Variants in STK33 observed in about 807,000 individuals in gnomAD.
The protein encoded by STK33 is serine/threonine-protein kinase 33.
Under a neutral mutation model 58.0 loss-of-function variants are expected in STK33, and 52 were observed. That is an observed-to-expected ratio of 0.90 (90% CI 0.72 to 1.13). The LOEUF is 1.13. Among genes scored for constraint, STK33 ranks in the 50% most tolerant of loss-of-function variants. The pLI is 0.00. For synonymous variants in STK33, 215 were observed against 200.1 expected (o/e 1.07, Z -0.63); for missense variants, 630 against 604.2 (o/e 1.04, Z -0.45).
Position 8,553,897 on chromosome 11 carries a change from A to G in STK33, c.-466+40186T>C, listed in dbSNP as rs536628188. ...AAGCTCCATGACATTAGACTAGGCA[A>G]TGATTTTTTGGATATGACCCCAAAG... On this transcript the variant is annotated intron_variant, in intron 1 of 15. Transcript: ENST00000687296. Among the ~76,000 whole-genome samples, 6 of 152,328 alleles carry G rather than the reference A, an allele frequency of 3.9e-5. No homozygotes were observed. In the East Asian group the frequency reaches 9.6e-4, roughly 24 times the overall value.
At chr11:8,469,827 G>A (rs942207309) in intron 6 of STK33, among the ~76,000 whole-genome samples, 16 of 152,216 alleles carry the variant, frequency 1.1e-4, no homozygotes, top group African/African-American at 3.1e-4. Context: ...GTGACCAGGC[G>A]CATTGTCAAT....
At chr11:8,537,243 G>A (rs12577853) in intron 1 of STK33, among the ~76,000 whole-genome samples, 60,711 of 151,364 alleles carry the variant, frequency 0.4, 12,438 homozygotes, top group South Asian at 0.56. Flanking sequence ...GCCTCCCAAA[G>A]TGCTAGGATT....
At chr11:8,354,844 C>T in the STK33 span, among the ~76,000 whole-genome samples, 3 of 152,112 alleles carry the variant, frequency 2.0e-5, no homozygotes, top group African/African-American at 4.8e-5. Flanking sequence ...GCTGGCTGGG[C>T]GCCGGCCCCT....
intron 15 of STK33, among the ~76,000 whole-genome samples, chr11:8,397,084 T>C (rs1325200658): frequency 1.3e-5 from 2 of 152,178 alleles, no homozygotes; most frequent in African/African-American, 4.8e-5. Flanking sequence ...CAGACTTAAA[T>C]GTCCCTGTCT....
chr11:8,555,537 C>T (rs1264395444), intron 1 of STK33, among the ~76,000 whole-genome samples: 5 of 151,712 alleles, frequency 3.3e-5, no homozygotes, highest in Admixed American at 1.3e-4. Flanking sequence ...TGGTGGTGAG[C>T]GCCTGTAATC....
downstream of STK33, among the ~76,000 whole-genome samples, chr11:8,388,736 G>A (rs1313006383): frequency 6.6e-6 from 1 of 152,148 alleles, no homozygotes; most frequent in African/African-American, 2.4e-5. Context: ...CCTCCTCCCA[G>A]GTTCTGTTGG....
At chr11:8,445,552 T>C (rs1485692186) in intron 11 of STK33, among the ~76,000 whole-genome samples, 2 of 152,100 alleles carry the variant, frequency 1.3e-5, no homozygotes, top group African/African-American at 4.8e-5. Context: ...GAGATACGTT[T>C]CATCAATACC....
intron 1 of STK33, among the ~76,000 whole-genome samples, chr11:8,570,979 A>G (rs2141123290): frequency 6.6e-6 from 1 of 152,330 alleles, no homozygotes; most frequent in East Asian, 1.9e-4. Context: ...AAACTGCTAG[A>G]AAACTGGACA....
At chr11:8,431,656 T>C (rs1943442050) in intron 14 of STK33, among the ~76,000 whole-genome samples, 1 of 152,116 alleles carries the variant, frequency 6.6e-6, no homozygotes. Flanking sequence ...GACATTTGAG[T>C]GATTGATGTC....
chr11:8,364,504 A>AT, the STK33 span, among the ~76,000 whole-genome samples: 1 of 152,188 alleles, frequency 6.6e-6, no homozygotes, highest in Non-Finnish European at 1.5e-5. Context: ...ATTGATCATG[A>AT]TATGTATCTG....
At chr11:8,512,661 G>A (rs986158123) in intron 1 of STK33, among the ~76,000 whole-genome samples, 2 of 152,040 alleles carry the variant, frequency 1.3e-5, no homozygotes, top group South Asian at 4.1e-4. Flanking sequence ...AATACTAAAA[G>A]CCTAGTTCTT....
chr11:8,539,815 T>C (rs900075297), intron 1 of STK33, among the ~76,000 whole-genome samples: 4 of 152,154 alleles, frequency 2.6e-5, no homozygotes, highest in African/African-American at 9.7e-5. Context: ...CTCATAACTG[T>C]AGTACGTAAA....
intron 11 of STK33, among the ~76,000 whole-genome samples, chr11:8,441,888 C>A (rs1365535479): frequency 6.6e-6 from 1 of 152,010 alleles, no homozygotes; most frequent in African/African-American, 2.4e-5. Context: ...GCATTTGACT[C>A]CCTTTGCCAA....
intron 11 of STK33, among the ~76,000 whole-genome samples, chr11:8,444,158 T>C (rs893180151): frequency 6.6e-6 from 1 of 152,188 alleles, no homozygotes; most frequent in Non-Finnish European, 1.5e-5. Flanking sequence ...TTATTTATTA[T>C]TTATTAACTG....
chr11:8,552,449 T>C (rs1302125712), intron 1 of STK33, among the ~76,000 whole-genome samples: 2 of 152,162 alleles, frequency 1.3e-5, no homozygotes, highest in African/African-American at 4.8e-5. Context: ...ACTTTTTACA[T>C]TTTTTTAACT....
intron 2 of STK33, among the ~76,000 whole-genome samples, chr11:8,479,828 G>GT (rs1168817356): frequency 1.3e-5 from 2 of 151,962 alleles, no homozygotes; most frequent in African/African-American, 4.8e-5. Context: ...GGGTGACAGA[G>GT]TAAGACTCTG....
chr11:8,584,769 C>T (rs2031180564), intron 1 of STK33, among the ~76,000 whole-genome samples: 1 of 152,060 alleles, frequency 6.6e-6, no homozygotes. Flanking sequence ...AAGCATACAG[C>T]CACAGAGGGA....
intron 1 of STK33, among the ~76,000 whole-genome samples, chr11:8,550,021 CT>C (rs1287016979): frequency 2.0e-5 from 3 of 152,110 alleles, no homozygotes; most frequent in Non-Finnish European, 2.9e-5. Context: ...TAACTTTGTA[CT>C]TTGTATTTCC....
chr11:8,516,079 C>G (rs531406567), intron 1 of STK33, among the ~76,000 whole-genome samples: 1 of 152,168 alleles, frequency 6.6e-6, no homozygotes, highest in Non-Finnish European at 1.5e-5. Flanking sequence ...TCACATGCAA[C>G]CACAAAAGAC....
Sources: allele counts gnomAD v4.1 joint callset (sites outside exome capture counted in the v4.1 genomes callset), GRCh38; gene constraint gnomAD v4.1.1; transcripts MANE v1.5; gene names NCBI Gene and HGNC (gene_info 2026-07-23, HGNC 2026-07-21).